STAB2: variants seen among roughly 807,000 people sequenced by gnomAD.
STAB2 encodes stabilin-2.
A neutral mutation model predicts 338.1 loss-of-function variants in STAB2; 288 were observed. The ratio of observed to expected loss-of-function variants is 0.85; its 90% CI spans 0.77 to 0.94. The LOEUF (loss-of-function observed/expected upper bound fraction) is 0.94, where lower values mean the gene tolerates loss of function less well. Ranked by LOEUF, STAB2 falls within the 40% of genes least tolerant of loss-of-function variation. The pLI, the probability that STAB2 is intolerant of heterozygous loss-of-function variation, is 0.00. For synonymous variants in STAB2, 1,202 were observed against 1,193.3 expected, an observed-to-expected ratio of 1.01 and a Z score of -0.15; for missense variants, 3,141 against 3,210.1, an observed-to-expected ratio of 0.98 and a Z score of 0.52.
intron 60 of STAB2, among the ~76,000 whole-genome samples, chr12:103,752,023 G>T (rs539967772): frequency 6.6e-6 from 1 of 152,260 alleles, no homozygotes; most frequent in African/African-American, 2.4e-5. Context: ...TTCATGATTT[G>T]CAGCCGATTT....
intron 49 of STAB2, 49 bp downstream of exon 49, chr12:103,730,305 TATC>T (rs1432175235): frequency 6.3e-7 from 1 of 1,582,764 alleles, no homozygotes; most frequent in Non-Finnish European, 8.7e-7. Context: ...CTCAATACAT[TATC>T]ATCTCTATTC....
intron 33 of STAB2, among the ~76,000 whole-genome samples, chr12:103,696,489 C>T (rs757670322): frequency 1.3e-5 from 2 of 152,162 alleles, no homozygotes; most frequent in African/African-American, 2.4e-5. Flanking sequence ...TTATGATCAG[C>T]TTATGGTAGT....
intron 58 of STAB2, among the ~76,000 whole-genome samples, chr12:103,748,605 TAC>T (rs71097994): frequency 0.021 from 2,897 of 141,244 alleles, 41 homozygotes; most frequent in Non-Finnish European, 0.026. Context: ...CACACACACA[TAC>T]ACACACACAC....
At position 103,668,792 on chromosome 12, in the gene STAB2, C is replaced by T. The variant is rs918360172; in HGVS notation, c.2172+63C>T. The T allele has an allele frequency of 1.8e-5, 26 of 1,428,294 alleles. No homozygotes were observed. The African/African-American group carries it at 3.6e-4, about 20-fold the overall frequency. 88.5% of individuals were successfully genotyped at this position (1,428,294 alleles called of 1,614,324 possible). ...AGGGCCAGGCAGCTCCAGGGCCATGCTCTTGGGTCCTAGGGTCCACGTGGT... is the reference window on the plus strand; with the variant it reads ...AGGGCCAGGCAGCTCCAGGGCCATGTTCTTGGGTCCTAGGGTCCACGTGGT... On this transcript the variant is annotated intron_variant, in intron 20 of 68. Transcript: ENST00000388887.
intron 3 of STAB2, among the ~76,000 whole-genome samples, chr12:103,608,025 T>G (rs1325807495): frequency 2.6e-5 from 4 of 152,226 alleles, no homozygotes; most frequent in Non-Finnish European, 4.4e-5. Context: ...TGTTCCTATT[T>G]CTCCACATCC....
chr12:103,752,716 T>A (rs1883773765), intron 60 of STAB2, among the ~76,000 whole-genome samples: 1 of 152,212 alleles, frequency 6.6e-6, no homozygotes, highest in Admixed American at 6.5e-5. Flanking sequence ...GAGAAAATCA[T>A]GTTACCAGAG....
At chr12:103,643,866 CCGGGAGG>C (rs1873103575) in intron 9 of STAB2, among the ~76,000 whole-genome samples, 1 of 144,140 alleles carries the variant, frequency 6.9e-6, no homozygotes, top group African/African-American at 2.6e-5. Context: ...GCCGCCCCGT[CCGGGAGG>C]TGAGGGGCGC....
At chr12:103,712,482 G>T in intron 41 of STAB2, 39 bp downstream of exon 41, 1 of 1,477,902 alleles carries the variant, frequency 6.8e-7, no homozygotes, top group Non-Finnish European at 9.5e-7. Context: ...GGCTGGCAAG[G>T]CTTGCACAGG....
At chr12:103,669,447 G>T in intron 20 of STAB2, 94 bp from the exon 21 acceptor site, 1 of 1,114,822 alleles carries the variant, frequency 9.0e-7, no homozygotes. Context: ...GGCGAATATG[G>T]CTTAGTATAA....
intron 3 of STAB2, among the ~76,000 whole-genome samples, chr12:103,604,109 A>T (rs1050567608): frequency 9.2e-5 from 14 of 152,084 alleles, no homozygotes; most frequent in Non-Finnish European, 1.5e-4. Context: ...CTTTCTGGAG[A>T]TACTTTGGAA....
intron 6 of STAB2, among the ~76,000 whole-genome samples, chr12:103,632,500 TG>T (rs2138669053): frequency 6.6e-6 from 1 of 152,148 alleles, no homozygotes; most frequent in South Asian, 2.1e-4. Context: ...TCCAGGGCCT[TG>T]GGGAGCTGAG....
At chr12:103,615,879 A>G (rs949796427) in intron 3 of STAB2, among the ~76,000 whole-genome samples, 3 of 152,194 alleles carry the variant, frequency 2.0e-5, no homozygotes, top group Non-Finnish European at 2.9e-5. Context: ...CACGGGGGAA[A>G]CTGCCCCATG....
intron 45 of STAB2, 113 bp downstream of exon 45, chr12:103,725,207 A>G: frequency 6.8e-7 from 1 of 1,467,216 alleles, no homozygotes; most frequent in Non-Finnish European, 9.1e-7. Context: ...CTATAAAAAT[A>G]TGAAAGGCAA....
rs557576820 is a variant in STAB2 at position 103,617,985 on chromosome 12, A to C, written c.332-2483A>C. ...AGAAAACCATCTACAGATGGATATG[A>C]CTCCCACCTCCATAGTACCTGCATG... On this transcript the variant is annotated intron_variant, in intron 3 of 68. Transcript: ENST00000388887. 2.0e-4 allele frequency among the ~76,000 whole-genome samples: 30 copies of C among 152,170 alleles called. No homozygotes were observed. In the South Asian group the frequency reaches 5.8e-3, roughly 29 times the overall value.
In STAB2 at chr12:103,731,888, AGAAATTG is replaced by A. The variant is rs1233169238; in HGVS notation, c.5283+257_5283+263del. ...AGGATTTGAGGCTGGGGAGAGGGAA[AGAAATTG>A]GAATGTGGCAGTAGTGTACTAGGTG... On this transcript the variant is annotated intron_variant, in intron 50 of 68. Transcript: ENST00000388887. Among the ~76,000 whole-genome samples, 4 of 152,342 alleles carry A rather than the reference AGAAATTG, an allele frequency of 2.6e-5. No individual in the cohort carries two copies. The South Asian group carries it at 8.3e-4, about 32-fold the overall frequency.
At chr12:103,605,477 G>T (rs528629740) in intron 3 of STAB2, among the ~76,000 whole-genome samples, 1 of 151,688 alleles carries the variant, frequency 6.6e-6, no homozygotes, top group Non-Finnish European at 1.5e-5. Context: ...CTTAATAATT[G>T]TTTATTTTTA....
intron 61 of STAB2, 141 bp from the exon 62 acceptor site, chr12:103,755,161 T>G (rs113224478): frequency 1.2e-5 from 14 of 1,151,002 alleles, no homozygotes; most frequent in African/African-American, 4.6e-5. Flanking sequence ...GACCACCTAC[T>G]GTGTGCCAGG....
chr12:103,699,021 T>C (rs1878633762), intron 33 of STAB2, 75 bp from the exon 34 acceptor site: 3 of 1,529,432 alleles, frequency 2.0e-6, no homozygotes, highest in African/African-American at 1.4e-5. Context: ...ATCTCCACAG[T>C]GACAGCACAT....
intron 3 of STAB2, among the ~76,000 whole-genome samples, chr12:103,604,356 G>A (rs74468244): frequency 0.012 from 1,816 of 152,022 alleles, 30 homozygotes; most frequent in African/African-American, 0.039. Flanking sequence ...TTTTGGAATC[G>A]GGATAATAAT....
Sources: gnomAD v4.1 joint callset for allele counts (sites outside exome capture counted in the v4.1 genomes callset) on GRCh38, gnomAD v4.1.1 for gene constraint, MANE v1.5 for transcripts, NCBI Gene and HGNC (gene_info 2026-07-23, HGNC 2026-07-21) for gene names.